Variants in RAB27B observed in about 807,000 individuals in gnomAD.
RAB27B encodes ras-related protein Rab-27B.
In RAB27B, 15 loss-of-function variants were observed where a neutral mutation model predicts 24.6. The observed-to-expected ratio is 0.61, with a 90% CI of 0.41 to 0.94. The LOEUF (loss-of-function observed/expected upper bound fraction) is 0.94, where lower values mean the gene tolerates loss of function less well. RAB27B is among the 40% of genes least tolerant of loss of function. The pLI, the probability that RAB27B is intolerant of heterozygous loss-of-function variation, is 0.00. For missense variants in RAB27B, 261 were observed against 266.8 expected, an observed-to-expected ratio of 0.98 and a Z score of 0.15; for synonymous variants, 105 against 92.5, an observed-to-expected ratio of 1.14 and a Z score of -0.78.
chr18:54,841,158 GCGGT>G lies in RAB27B; in HGVS notation c.-20+12459_-20+12462del, dbSNP rs796984254. ...AAAGACTCTGTCTTTGGGTGGCGGG[GCGGT>G]GGGGGGTTTGGTGAGAGGGGCGGGA... is the stretch of plus-strand genomic sequence containing the variant. On this transcript the variant is annotated intron_variant, in intron 1 of 5. Transcript: ENST00000262094. Among the ~76,000 whole-genome samples, 10 of 75,032 alleles carry G rather than the reference GCGGT, an allele frequency of 1.3e-4. 1 individual carries two copies. Among genetic ancestry groups the G allele is most frequent in the Admixed American group, 2.6e-4 (2 of 7,608 alleles). The allele number at this position is 75,032 out of a possible 152,430, so 49.2% of individuals were successfully genotyped here.
chr18:54,854,842 C>T (rs1339091221), intron 1 of RAB27B, among the ~76,000 whole-genome samples: 1 of 152,134 alleles, frequency 6.6e-6, no homozygotes, highest in African/African-American at 2.4e-5. Context: ...CCATATTTAT[C>T]CATTTAAAAC....
chr18:54,833,787 T>A (rs1218780732), intron 1 of RAB27B, among the ~76,000 whole-genome samples: 1 of 152,108 alleles, frequency 6.6e-6, no homozygotes, highest in East Asian at 1.9e-4. Context: ...TGCAAAAGGA[T>A]TTGCTGAATT....
rs1659738814 is a variant in RAB27B at position 54,890,279 on chromosome 18, T to G, written c.*866T>G. On this transcript the variant is annotated 3_prime_UTR_variant, in exon 6 of 6. Coordinates refer to ENST00000262094, the MANE Select transcript of RAB27B (RefSeq NM_004163.4). The stretch of plus-strand genomic sequence containing the variant: ...GAGGTTTCCATTTCAAACAAAATTT[T>G]AGAAATTGGTTTGGTGTTCAGCTTC... The G allele has an allele frequency of 6.6e-6, 1 of 152,176 alleles. No homozygotes were observed. The highest frequency in any genetic ancestry group is 2.4e-5 in the African/African-American group (1 of 41,456). 9.4% of individuals were successfully genotyped at this position (152,176 alleles called of 1,614,324 possible).
chr18:54,807,444 G>T (rs1909826398), intron 2 of RAB27B, among the ~76,000 whole-genome samples: 1 of 152,132 alleles, frequency 6.6e-6, no homozygotes. Flanking sequence ...TTACCTTCTT[G>T]TTTTAAGGAC....
At chr18:54,719,806 G>T (rs1909301600) in intron 2 of RAB27B, among the ~76,000 whole-genome samples, 1 of 151,940 alleles carries the variant, frequency 6.6e-6, no homozygotes, top group Non-Finnish European at 1.5e-5. Context: ...AGTCTGTAAA[G>T]ATGACTCAAT....
chr18:54,785,031 A>G (rs941481667), intron 2 of RAB27B, among the ~76,000 whole-genome samples: 7 of 151,600 alleles, frequency 4.6e-5, no homozygotes, highest in South Asian at 2.1e-4. Context: ...TCCAGCCACA[A>G]TGTCCTCCCA....
intron 2 of RAB27B, among the ~76,000 whole-genome samples, chr18:54,780,598 A>G (rs972970104): frequency 1.3e-5 from 2 of 152,070 alleles, no homozygotes; most frequent in Non-Finnish European, 2.9e-5. Context: ...CTCCTTTTCC[A>G]GTAAGGACAC....
At chr18:54,841,130 G>A (rs939619698) in intron 1 of RAB27B, among the ~76,000 whole-genome samples, 1 of 133,772 alleles carries the variant, frequency 7.5e-6, no homozygotes, top group Admixed American at 8.6e-5. Context: ...CTGGGTAACA[G>A]AGAAAGACTC....
intron 1 of RAB27B, among the ~76,000 whole-genome samples, chr18:54,875,493 G>T (rs549388809): frequency 2.0e-5 from 3 of 151,980 alleles, no homozygotes; most frequent in Admixed American, 6.5e-5. Context: ...GACGGGTCTT[G>T]ATGGGTGCTA....
chr18:54,861,213 A>C (rs1460283869), intron 1 of RAB27B, among the ~76,000 whole-genome samples: 2 of 152,192 alleles, frequency 1.3e-5, no homozygotes, highest in African/African-American at 2.4e-5. Context: ...TAGAAAATGA[A>C]CCCAATTTGC....
At position 54,870,375 on chromosome 18, in the gene RAB27B, A is replaced by G. The variant is rs563400582; in HGVS notation, c.-19-7192A>G. On this transcript the variant is annotated intron_variant, in intron 1 of 5. Transcript: ENST00000262094. ...GAAGAAAGTGCAATTGACAAATTTA[A>G]TATCTACTCATGTTAAAAGCAGCCA... 1.1e-3 allele frequency among the ~76,000 whole-genome samples: 172 copies of G among 152,284 alleles called. 1 individual carries two copies. The highest frequency in any genetic ancestry group is 3.7e-3 in the African/African-American group (153 of 41,596).
intron 2 of RAB27B, among the ~76,000 whole-genome samples, chr18:54,779,410 C>A (rs143329838): frequency 1.9e-4 from 29 of 152,238 alleles, no homozygotes; most frequent in Middle Eastern, 6.8e-3. Context: ...AACACAATTT[C>A]TATTATCCCA....
chr18:54,719,778 A>G (rs1909300596), intron 2 of RAB27B, among the ~76,000 whole-genome samples: 1 of 152,042 alleles, frequency 6.6e-6, no homozygotes, highest in South Asian at 2.1e-4. Context: ...CTCTTTTTAA[A>G]ATGCTTCCTA....
chr18:54,846,578 G>A (rs1315817233), intron 1 of RAB27B, among the ~76,000 whole-genome samples: 1 of 152,188 alleles, frequency 6.6e-6, no homozygotes, highest in Non-Finnish European at 1.5e-5. Flanking sequence ...AGTTAAAGTA[G>A]TTGAACCAGA....
At chr18:54,733,652 C>A (rs867560087) in intron 2 of RAB27B, among the ~76,000 whole-genome samples, 2 of 99,500 alleles carry the variant, frequency 2.0e-5, no homozygotes, top group Admixed American at 1.1e-4. Flanking sequence ...GTTCTAGAGC[C>A]CCCCCCCCCC....
chr18:54,884,619 T>C (rs1398077013), intron 4 of RAB27B, among the ~76,000 whole-genome samples, 183 bp downstream of exon 4: 4 of 152,196 alleles, frequency 2.6e-5, no homozygotes, highest in African/African-American at 9.6e-5. Flanking sequence ...CCACCCTAGG[T>C]AGCTTGGAAT....
intron 2 of RAB27B, among the ~76,000 whole-genome samples, chr18:54,728,855 G>A (rs1450767683): frequency 1.2e-5 from 1 of 80,206 alleles, no homozygotes. Context: ...CAGCCTGGAA[G>A]ACAGAGTAAG....
At chr18:54,867,386 G>A (rs1232909499) in intron 1 of RAB27B, among the ~76,000 whole-genome samples, 9 of 150,700 alleles carry the variant, frequency 6.0e-5, no homozygotes, top group Admixed American at 5.9e-4. Flanking sequence ...TTATGCAATC[G>A]TAGGAGCTGG....
At chr18:54,862,915 G>T (rs541002616) in intron 1 of RAB27B, among the ~76,000 whole-genome samples, 1 of 152,306 alleles carries the variant, frequency 6.6e-6, no homozygotes, top group African/African-American at 2.4e-5. Flanking sequence ...CTTTATTTGT[G>T]AGAAATTATT....
Sources: gnomAD v4.1 joint callset for allele counts (sites outside exome capture counted in the v4.1 genomes callset) on GRCh38, gnomAD v4.1.1 for gene constraint, MANE v1.5 for transcripts, NCBI Gene and HGNC (gene_info 2026-07-23, HGNC 2026-07-21) for gene names.